Variants in MNS1 observed in about 807,000 individuals in gnomAD.
MNS1 encodes meiosis-specific nuclear structural protein 1.
Under a neutral mutation model 72.0 loss-of-function variants are expected in MNS1, and 63 were observed. The observed-to-expected ratio is 0.87, with a 90% CI of 0.71 to 1.08. MNS1 has a LOEUF of 1.08. Ranked by LOEUF, MNS1 falls within the 50% of genes least tolerant of loss-of-function variation. The probability of loss-of-function intolerance (pLI) is 0.00; values close to 1 mark genes in which losing one functional copy is unlikely to be tolerated. For synonymous variants in MNS1, 188 were observed against 172.1 expected (o/e 1.09, Z -0.72); for missense variants, 604 against 562.4 (o/e 1.07, Z -0.75).
At chr15:56,432,488 T>C (rs1487736194) in intron 8 of MNS1, among the ~76,000 whole-genome samples, 1 of 152,162 alleles carries the variant, frequency 6.6e-6, no homozygotes. Context: ...ATGAGTTTCA[T>C]CACGAAGATC....
chr15:56,444,577 CT>C lies in MNS1; in HGVS notation c.552del (p.Ala185HisfsTer7), dbSNP rs1311435773. 1 of 1,612,648 alleles carries C rather than the reference CT, an allele frequency of 6.2e-7. No individual in the cohort carries two copies. The highest frequency in any genetic ancestry group is 8.5e-7 in the Non-Finnish European group (1 of 1,179,466). ...TTCTCTAAGTCAAGATAGTACTGTG[CT>C]TTCGCTTTGTTTCGTTTGTCTTCTG... is the stretch of plus-strand genomic sequence containing the variant. ...NAAEDKRNKAKAQYYLDLEKQ... is the reference protein window; with the variant it reads ...NAAEDKRNKAXAQYYLDLEKQ... On this transcript the variant is annotated frameshift_variant, in exon 5 of 10. Transcript: ENST00000260453. LOFTEE classifies it high-confidence loss of function.
intron 2 of MNS1, among the ~76,000 whole-genome samples, chr15:56,458,054 T>A (rs1394586562): frequency 6.6e-6 from 1 of 152,174 alleles, no homozygotes. Flanking sequence ...AGAAAAAGAA[T>A]GCAAGCAAAA....
At chr15:56,442,746 A>G (rs1284635835) in intron 7 of MNS1, among the ~76,000 whole-genome samples, 10 of 152,166 alleles carry the variant, frequency 6.6e-5, no homozygotes, top group African/African-American at 2.2e-4. Context: ...GAGGGTAGAC[A>G]TAGGAGGAGG....
rs767931688 is a variant in MNS1, at chr15:56,443,816, C to T, written c.725G>A (p.Arg242Gln). The change falls in exon 6 of 10, where the codon CGA (arginine) becomes CAA (glutamine). Residue 242 changes from arginine to glutamine, a missense_variant. Coordinates refer to ENST00000260453, the MANE Select transcript of MNS1 (RefSeq NM_018365.4). ...QQKLEKMNAM[R>Q]RYIEEFQKEQ... ...TTTCTGAAACTCTTCTATATACCTT[C>T]GCATTGCATTCATTTTTTCTAACTT... 66 of 1,606,522 alleles carry T rather than the reference C, an allele frequency of 4.1e-5. No individual in the cohort carries two copies. Among genetic ancestry groups the T allele is most frequent in the Middle Eastern group, 3.3e-4 (2 of 6,066 alleles).
At chr15:56,438,024 A>G (rs1443478027) in intron 7 of MNS1, among the ~76,000 whole-genome samples, 1 of 152,240 alleles carries the variant, frequency 6.6e-6, no homozygotes, top group Non-Finnish European at 1.5e-5. Context: ...CAATATCGTG[A>G]AAATGGCCAT....
chr15:56,434,704 T>C (rs1028732215), intron 7 of MNS1, among the ~76,000 whole-genome samples: 48 of 152,144 alleles, frequency 3.2e-4, no homozygotes, highest in African/African-American at 1.2e-3. Context: ...TTTGCACACC[T>C]GAGTTTATTC....
chr15:56,442,861 C>T (rs1477554408), intron 7 of MNS1, among the ~76,000 whole-genome samples: 1 of 151,684 alleles, frequency 6.6e-6, no homozygotes, highest in Non-Finnish European at 1.5e-5. Context: ...CTGTAACAAA[C>T]CAGCACATGT....
intron 3 of MNS1, among the ~76,000 whole-genome samples, chr15:56,448,585 A>G (rs1404957254): frequency 6.6e-6 from 1 of 152,140 alleles, no homozygotes; most frequent in African/African-American, 2.4e-5. Context: ...TTATGTCTGT[A>G]GAGTATTCCG....
chr15:56,460,003 A>ATATATATATATATATATATATATATAT (rs1243035397), intron 2 of MNS1, among the ~76,000 whole-genome samples: 1 of 32,860 alleles, frequency 3.0e-5, no homozygotes, highest in African/African-American at 1.1e-4. Context: ...AAAAAAAAAA[A>ATATATATATATATATATATATATATAT]AAAAAAATAC....
At position 56,464,347 on chromosome 15, in the gene MNS1, C is replaced by A. The variant is rs1468277990; in HGVS notation, c.4-100G>T. 11 of 847,374 alleles carry A rather than the reference C, an allele frequency of 1.3e-5. No homozygotes were observed. The African/African-American group carries it at 1.7e-4, about 13-fold the overall frequency. The allele number at this position is 847,374 out of a possible 1,614,324, so 52.5% of individuals were successfully genotyped here. A position where few individuals can be genotyped will look rare whatever the true frequency, so the allele number is the denominator to read the frequency against. ...CCTTAGTAAGAAAGGATACGAAGAG[C>A]CTGGCTTCCTTCCTAAATTCAAAGG... is the stretch of plus-strand genomic sequence containing the variant. On this transcript the variant is annotated intron_variant, in intron 1 of 9. Transcript: ENST00000260453.
At chr15:56,456,073 T>A (rs2050979777) in intron 3 of MNS1, among the ~76,000 whole-genome samples, 1 of 152,150 alleles carries the variant, frequency 6.6e-6, no homozygotes, top group Non-Finnish European at 1.5e-5. Flanking sequence ...TGTAGAGGTA[T>A]AAAATTAAAC....
At chr15:56,443,103 C>T (rs1294786898) in intron 7 of MNS1, among the ~76,000 whole-genome samples, 2 of 152,110 alleles carry the variant, frequency 1.3e-5, no homozygotes, top group Non-Finnish European at 2.9e-5. Flanking sequence ...CTCATATTAA[C>T]GTAGCAACTC....
rs2050982582 is a variant in MNS1, at chr15:56,456,492, G to C, written c.255C>G (p.Leu85=). 1.9e-6 allele frequency: 3 copies of C among 1,611,304 alleles called. No homozygotes were observed. The highest frequency in any genetic ancestry group is 2.7e-5 in the African/African-American group (2 of 74,702). The part of the protein sequence containing the change: ...KAEENKRLKE[L]QLKQEEKLAM... ...CCAGTTTTTCTTCTTGTTTGAGCTG[G>C]AGTTCTTTCAATCTCTTGTTTTCTT... Residue 85 remains leucine (L), a synonymous_variant, in exon 3 of 10, where the codon CTC becomes CTG. Coordinates refer to ENST00000260453, the MANE Select transcript of MNS1 (RefSeq NM_018365.4).
rs763185572 is a variant in MNS1, at chr15:56,444,673, T to C, written c.457A>G (p.Lys153Glu). 7 of 1,608,882 alleles carry C rather than the reference T, an allele frequency of 4.4e-6. No homozygotes were observed. In the South Asian group the frequency reaches 5.5e-5, roughly 13 times the overall value. ...EKDAIKYEQM[K>E]RDAEIAKTMM... ...GTTTTGGCTATTTCAGCATCACGTT[T>C]CTGTTATTAAAACAAAATTGATCTT... The change falls in exon 5 of 10, where the codon AAA (lysine) becomes GAA (glutamate). Residue 153 changes from lysine to glutamate, a missense_variant and splice_region_variant. By Grantham distance (56) the Lys-to-Glu change is moderately conservative (BLOSUM62 1). Transcript: ENST00000260453.
At chr15:56,448,927 G>C (rs2050928037) in intron 3 of MNS1, among the ~76,000 whole-genome samples, 1 of 151,542 alleles carries the variant, frequency 6.6e-6, no homozygotes, top group Admixed American at 6.6e-5. Flanking sequence ...TTAATTTTTT[G>C]TATTTTGAGT....
intron 3 of MNS1, among the ~76,000 whole-genome samples, chr15:56,450,810 A>G (rs1260803870): frequency 6.6e-6 from 1 of 152,084 alleles, no homozygotes; most frequent in Non-Finnish European, 1.5e-5. Flanking sequence ...CCTTTGTTTA[A>G]CTTTTTCCCA....
chr15:56,458,882 G>GA (rs1182989848), intron 2 of MNS1, among the ~76,000 whole-genome samples: 5 of 152,036 alleles, frequency 3.3e-5, no homozygotes, highest in African/African-American at 1.2e-4. Context: ...TCTAAATTTT[G>GA]ACATTTATAA....
At chr15:56,447,518 T>C (rs1487240595) in intron 3 of MNS1, 2 of 152,192 alleles carry the variant, frequency 1.3e-5, no homozygotes, top group African/African-American at 4.8e-5. Context: ...TTTCATTAGG[T>C]ATTTTTCATA....
At chr15:56,464,297 A>G (rs772655557) in intron 1 of MNS1, 50 bp from the exon 2 acceptor site, 86 of 1,314,210 alleles carry the variant, frequency 6.5e-5, no homozygotes, top group Non-Finnish European at 8.9e-5. Context: ...CCAAAATCTA[A>G]TTTTAAAAAA....
Sources: gnomAD v4.1 joint callset for allele counts (sites outside exome capture counted in the v4.1 genomes callset) on GRCh38, gnomAD v4.1.1 for gene constraint, MANE v1.5 for transcripts, NCBI Gene and HGNC (gene_info 2026-07-23, HGNC 2026-07-21) for gene names.